ATP10B: variants seen among roughly 807,000 people sequenced by gnomAD.
ATP10B encodes ATPase phospholipid transporting 10B (putative).
ATP10B carries 122 observed loss-of-function variants against 141.2 expected under a neutral mutation model. That is an observed-to-expected ratio of 0.86 (90% confidence interval 0.75 to 1.00). The LOEUF is 1.00. Among genes scored for constraint, ATP10B ranks in the 50% least tolerant of loss-of-function variants. The pLI, the probability that ATP10B is intolerant of heterozygous loss-of-function variation, is 0.00. For synonymous variants in ATP10B, 685 were observed against 692.0 expected, an observed-to-expected ratio of 0.99 and a Z score of 0.16; for missense variants, 1,876 against 1,825.3, an observed-to-expected ratio of 1.03 and a Z score of -0.51.
At chr5:160,576,878 C>A (rs1460883787) in intron 24 of ATP10B, among the ~76,000 whole-genome samples, 1 of 152,136 alleles carries the variant, frequency 6.6e-6, no homozygotes, top group East Asian at 1.9e-4. Context: ...GTCCTAAGAG[C>A]AATGGGGAAC....
chr5:160,907,787 G>T, the ATP10B span, among the ~76,000 whole-genome samples: 1 of 152,228 alleles, frequency 6.6e-6, no homozygotes, highest in Non-Finnish European at 1.5e-5. Flanking sequence ...CTATGGCAGA[G>T]ATAGTACTTG....
chr5:160,926,360 C>T, the ATP10B span, among the ~76,000 whole-genome samples: 7 of 152,168 alleles, frequency 4.6e-5, no homozygotes, highest in Admixed American at 1.3e-4. Context: ...TGCTTATGGG[C>T]CCCTAGCTTC....
intron 13 of ATP10B, among the ~76,000 whole-genome samples, chr5:160,627,153 A>G (rs1758653040): frequency 6.6e-6 from 1 of 152,034 alleles, no homozygotes; most frequent in South Asian, 2.1e-4. Context: ...CCTCCAGTTA[A>G]TATTTACTCC....
At chr5:160,723,244 T>C (rs1216746685) in intron 2 of ATP10B, among the ~76,000 whole-genome samples, 2 of 152,260 alleles carry the variant, frequency 1.3e-5, no homozygotes, top group African/African-American at 2.4e-5. Flanking sequence ...GAAATGCTGT[T>C]GCAGAAGCTG....
At chr5:160,724,055 G>T (rs1766161386) in intron 2 of ATP10B, among the ~76,000 whole-genome samples, 1 of 152,084 alleles carries the variant, frequency 6.6e-6, no homozygotes. Context: ...GTTCTCATTT[G>T]TAAGTGGGAA....
intron 25 of ATP10B, 131 bp downstream of exon 25, chr5:160,569,363 ATC>A (rs1754733284): frequency 1.1e-6 from 1 of 878,686 alleles, no homozygotes; most frequent in Non-Finnish European, 1.7e-6. Flanking sequence ...TTTCTGTCCC[ATC>A]TCTCTGTTTC....
intron 2 of ATP10B, among the ~76,000 whole-genome samples, chr5:160,751,381 CAG>C (rs1431850855): frequency 6.6e-5 from 10 of 152,144 alleles, no homozygotes; most frequent in Non-Finnish European, 5.9e-5. Context: ...TGACAAAAAA[CAG>C]AGAGAAGCTT....
At chr5:160,596,039 T>G (rs1276316103) in intron 22 of ATP10B, among the ~76,000 whole-genome samples, 1 of 151,958 alleles carries the variant, frequency 6.6e-6, no homozygotes, top group Non-Finnish European at 1.5e-5. Context: ...CTAACTCATT[T>G]TATGAGGCCA....
chr5:160,609,058 G>GT (rs1757564319), intron 18 of ATP10B, among the ~76,000 whole-genome samples: 1 of 152,058 alleles, frequency 6.6e-6, no homozygotes, highest in Non-Finnish European at 1.5e-5. Context: ...GGTTTTTATG[G>GT]TTTTAGGTCT....
intron 2 of ATP10B, among the ~76,000 whole-genome samples, chr5:160,734,721 A>C (rs911894312): frequency 6.6e-6 from 1 of 152,106 alleles, no homozygotes; most frequent in Non-Finnish European, 1.5e-5. Flanking sequence ...ACATTGAAAC[A>C]GAAGGGTCAA....
At position 160,785,931 on chromosome 5, in the gene ATP10B, A is replaced by C. The variant is rs1771115359; in HGVS notation, c.-575-128T>G. ...AGCTTTAGACACACTTTATAGAGCA[A>C]GTGGAATAGATTCCCAGGAAGTTGT... On this transcript the variant is annotated intron_variant, in intron 1 of 25. Coordinates refer to ENST00000327245, the MANE Select transcript of ATP10B (RefSeq NM_025153.3). 1.6e-5 allele frequency: 3 copies of C among 182,692 alleles called. No homozygotes were observed. In the South Asian group the frequency reaches 3.2e-4, roughly 19 times the overall value. The allele number at this position is 182,692 out of a possible 1,614,324, so 11.3% of individuals were successfully genotyped here.
chr5:160,634,511 C>A lies in ATP10B; in HGVS notation c.1224G>T (p.Glu408Asp). Reference sequence around the variant, plus strand: ...CTCGACATTGAATGGATAAATCGGTCTCTTCATCATACAGGTCAAGGTCAT... The same window carrying A: ...CTCGACATTGAATGGATAAATCGGTATCTTCATCATACAGGTCAAGGTCAT... ...LSNDLDLYDE[E>D]TDLSIQCRAL... The change falls in exon 12 of 26, where the codon GAG (glutamate) becomes GAT (aspartate). Residue 408 changes from glutamate (E) to aspartate (D), a missense_variant. Physicochemically the swap from Glu to Asp is conservative, Grantham distance 45. Transcript: ENST00000327245. 1 of 1,614,180 alleles carries A rather than the reference C, an allele frequency of 6.2e-7. No individual in the cohort carries two copies. Among genetic ancestry groups the A allele is most frequent in the South Asian group, 1.1e-5 (1 of 91,078 alleles).
chr5:160,823,694 C>T (rs1200724082), intron 1 of ATP10B, among the ~76,000 whole-genome samples: 9 of 152,054 alleles, frequency 5.9e-5, no homozygotes, highest in African/African-American at 7.2e-5. Context: ...ATTAGCCAGG[C>T]GTGGTGGCAG....
intron 1 of ATP10B, among the ~76,000 whole-genome samples, chr5:160,813,304 T>G (rs1581581333): frequency 6.6e-6 from 1 of 152,202 alleles, no homozygotes; most frequent in Admixed American, 6.5e-5. Flanking sequence ...GCTTTTCCAA[T>G]GGTCTTAGCA....
chr5:160,828,821 T>C (rs1774833658), intron 1 of ATP10B, among the ~76,000 whole-genome samples: 2 of 150,960 alleles, frequency 1.3e-5, no homozygotes, highest in Admixed American at 6.6e-5. Flanking sequence ...TGCCCAACAA[T>C]GATAGACTGG....
At chr5:160,817,258 T>C (rs764308837) in intron 1 of ATP10B, among the ~76,000 whole-genome samples, 16 of 152,090 alleles carry the variant, frequency 1.1e-4, no homozygotes, top group Non-Finnish European at 1.9e-4. Context: ...AAAACTCCAT[T>C]GTCTCAGCCC....
Position 160,670,611 on chromosome 5 carries a change from A to T in ATP10B, c.527T>A (p.Ile176Asn). ...CWKDVRVGDFIQMKCNEIVPA... is the reference protein window; with the variant it reads ...CWKDVRVGDFNQMKCNEIVPA... Reference sequence around the variant, plus strand: ...GACAATCTCATTGCATTTCATTTGGATGAAGTCTCCCACGCGCACATCCTT... The same window carrying T: ...GACAATCTCATTGCATTTCATTTGGTTGAAGTCTCCCACGCGCACATCCTT... Residue 176 changes from isoleucine to asparagine, a missense_variant, in exon 7 of 26, where the codon ATC (isoleucine) becomes AAC (asparagine). By Grantham distance (149) the Ile-to-Asn change is moderately radical. Coordinates refer to ENST00000327245, the MANE Select transcript of ATP10B (RefSeq NM_025153.3). 6.2e-7 allele frequency: 1 copy of T among 1,613,850 alleles called. No individual in the cohort carries two copies. The highest frequency in any genetic ancestry group is 2.2e-5 in the East Asian group (1 of 44,862).
At chr5:160,593,353 G>A (rs1194678190) in intron 22 of ATP10B, among the ~76,000 whole-genome samples, 1 of 152,206 alleles carries the variant, frequency 6.6e-6, no homozygotes, top group African/African-American at 2.4e-5. Flanking sequence ...CTGCAGCTGA[G>A]GATCCTGTCT....
chr5:160,784,035 T>C (rs989921169), intron 2 of ATP10B, among the ~76,000 whole-genome samples: 12 of 152,160 alleles, frequency 7.9e-5, no homozygotes, highest in African/African-American at 2.9e-4. Context: ...TAATCCACCT[T>C]GGCCAGGTAG....
Sources: allele counts gnomAD v4.1 joint callset (sites outside exome capture counted in the v4.1 genomes callset), GRCh38; gene constraint gnomAD v4.1.1; transcripts MANE v1.5; gene names NCBI Gene and HGNC (gene_info 2026-07-23, HGNC 2026-07-21).